The following CDH4 variants were observed in gnomAD, a reference collection of about 807,000 sequenced individuals.
CDH4 encodes cadherin-4.
A neutral mutation model predicts 86.0 loss-of-function variants in CDH4; 33 were observed. The observed-to-expected ratio is 0.38, with a 90% CI of 0.29 to 0.51. The LOEUF (loss-of-function observed/expected upper bound fraction) is 0.51. Among genes scored for constraint, CDH4 ranks in the 20% least tolerant of loss-of-function variants. CDH4 has a pLI of 0.86. For missense variants in CDH4, 1,114 were observed against 1,307.4 expected (o/e 0.85, Z 2.28); for synonymous variants, 555 against 549.4 (o/e 1.01, Z -0.14).
intron 2 of CDH4, among the ~76,000 whole-genome samples, chr20:61,526,970 C>A (rs2085915376): frequency 6.6e-6 from 1 of 152,244 alleles, no homozygotes; most frequent in Non-Finnish European, 1.5e-5. Context: ...AAGCGTTCTA[C>A]CGCCAAGGCA....
chr20:61,317,000 T>G, intron 2 of CDH4, among the ~76,000 whole-genome samples: 1 of 149,556 alleles, frequency 6.7e-6, no homozygotes, highest in Non-Finnish European at 1.5e-5. Context: ...GTCTTGCACG[T>G]AACCTGCTAT....
intron 2 of CDH4, among the ~76,000 whole-genome samples, chr20:61,285,558 GC>G (rs1167424997): frequency 1.3e-5 from 2 of 152,184 alleles, no homozygotes; most frequent in Non-Finnish European, 2.9e-5. Flanking sequence ...AGCATTTTTT[GC>G]CGGGCAGATA....
At chr20:61,303,233 T>A (rs895105116) in intron 2 of CDH4, among the ~76,000 whole-genome samples, 2 of 152,164 alleles carry the variant, frequency 1.3e-5, no homozygotes, top group Admixed American at 6.5e-5. Context: ...CCAGGCGTTC[T>A]TGTGAGGATG....
At chr20:61,496,603 T>C (rs1015355037) in intron 2 of CDH4, among the ~76,000 whole-genome samples, 3 of 152,216 alleles carry the variant, frequency 2.0e-5, no homozygotes, top group Non-Finnish European at 4.4e-5. Context: ...CAACATTTCC[T>C]AGAGAAAAAG....
At chr20:61,558,658 A>G (rs1394602195) in intron 2 of CDH4, among the ~76,000 whole-genome samples, 5 of 152,246 alleles carry the variant, frequency 3.3e-5, no homozygotes, top group Non-Finnish European at 5.9e-5. Flanking sequence ...TGCAGGCTCC[A>G]TCACAAGAGC....
intron 8 of CDH4, among the ~76,000 whole-genome samples, chr20:61,899,840 A>C (rs892462825): frequency 6.6e-6 from 1 of 152,204 alleles, no homozygotes; most frequent in African/African-American, 2.4e-5. Flanking sequence ...CAGCTCAGCC[A>C]GTGCCTGGTT....
chr20:61,323,088 T>A (rs1411590117), intron 2 of CDH4, among the ~76,000 whole-genome samples: 1 of 152,120 alleles, frequency 6.6e-6, no homozygotes, highest in Non-Finnish European at 1.5e-5. Context: ...ACCCCTCGCC[T>A]CTCCAAATTT....
chr20:61,852,920 T>C, intron 6 of CDH4, 22 bp downstream of exon 6: 1 of 1,612,700 alleles, frequency 6.2e-7, no homozygotes, highest in Non-Finnish European at 8.5e-7. Context: ...AGCGTTTGCT[T>C]GCTGGAGACC....
chr20:61,766,601 G>C (rs1468957176), intron 3 of CDH4, among the ~76,000 whole-genome samples: 1 of 152,220 alleles, frequency 6.6e-6, no homozygotes, highest in African/African-American at 2.4e-5. Flanking sequence ...GAGGGACTGA[G>C]ATCGGGGATG....
intron 2 of CDH4, among the ~76,000 whole-genome samples, chr20:61,394,135 GT>G (rs1395133404): frequency 1.3e-5 from 2 of 152,174 alleles, no homozygotes; most frequent in Non-Finnish European, 2.9e-5. Flanking sequence ...ATGTTGGTTC[GT>G]GTCTCAGGTT....
At chr20:61,593,251 G>A (rs974888463) in intron 2 of CDH4, among the ~76,000 whole-genome samples, 5 of 152,226 alleles carry the variant, frequency 3.3e-5, no homozygotes, top group Non-Finnish European at 5.9e-5. Flanking sequence ...CTGGGCTGAT[G>A]CACACAGGGT....
intron 2 of CDH4, among the ~76,000 whole-genome samples, chr20:61,679,811 C>T (rs11906613): frequency 0.54 from 82,126 of 152,140 alleles, 22,409 homozygotes; most frequent in Admixed American, 0.6. Flanking sequence ...GGACCACATG[C>T]TAATTCCACC....
intron 2 of CDH4, among the ~76,000 whole-genome samples, chr20:61,291,900 C>A (rs1463666033): frequency 6.6e-6 from 1 of 152,196 alleles, no homozygotes; most frequent in East Asian, 1.9e-4. Context: ...CTCCTCCCAC[C>A]CTCCCTGCTC....
intron 3 of CDH4, among the ~76,000 whole-genome samples, chr20:61,770,654 C>T (rs1025733405): frequency 5.3e-5 from 8 of 152,140 alleles, no homozygotes; most frequent in South Asian, 2.1e-4. Context: ...GAGGCTGAGA[C>T]GGGAGGATCA....
intron 2 of CDH4, among the ~76,000 whole-genome samples, chr20:61,682,373 GTGGATGGATGA>G (rs1198632204): frequency 6.7e-6 from 1 of 148,220 alleles, no homozygotes; most frequent in African/African-American, 2.5e-5. Context: ...TGGATGGATG[GTGGATGGATGA>G]TGGATGGATA....
chr20:61,546,460 G>T (rs115082622), intron 2 of CDH4, among the ~76,000 whole-genome samples: 15 of 151,960 alleles, frequency 9.9e-5, no homozygotes, highest in African/African-American at 3.4e-4. Flanking sequence ...TAGGGACTCA[G>T]TGCTTCTAGG....
chr20:61,558,110 G>A (rs2086190783), intron 2 of CDH4, among the ~76,000 whole-genome samples: 1 of 152,134 alleles, frequency 6.6e-6, no homozygotes, highest in East Asian at 1.9e-4. Context: ...TTTTATTAAT[G>A]TGATCATATC....
intron 2 of CDH4, among the ~76,000 whole-genome samples, chr20:61,720,076 C>T (rs772829035): frequency 2.0e-5 from 3 of 151,996 alleles, no homozygotes; most frequent in Non-Finnish European, 4.4e-5. Context: ...GGAGGGCAGT[C>T]GGCGGTGGGG....
rs1380279524 is a variant in CDH4, at chr20:61,516,366, CACAT to C, written c.170-227193_170-227190del. ...AGTCATGGGACCAACATCTGTCACA[CACAT>C]ACAGAGCCCCCGTCGGACGCTGCAT... On this transcript the variant is annotated intron_variant, in intron 2 of 15. Coordinates refer to ENST00000614565, the MANE Select transcript of CDH4 (RefSeq NM_001794.5). The surrounding 1 kb of genome is among the most constrained non-coding windows in gnomAD (Gnocchi z 4.0). Among the ~76,000 whole-genome samples, 1 of 152,190 alleles carries C rather than the reference CACAT, an allele frequency of 6.6e-6. No individual in the cohort carries two copies. The highest frequency in any genetic ancestry group is 1.5e-5 in the Non-Finnish European group (1 of 68,032).
Sources: allele counts gnomAD v4.1 joint callset (sites outside exome capture counted in the v4.1 genomes callset), GRCh38; gene constraint gnomAD v4.1.1; non-coding constraint Gnocchi (gnomAD v3.1); transcripts MANE v1.5; gene names NCBI Gene and HGNC (gene_info 2026-07-23, HGNC 2026-07-21).